The following PTPRG variants were observed in gnomAD, a reference collection of about 807,000 sequenced individuals.
PTPRG encodes receptor-type tyrosine-protein phosphatase gamma.
PTPRG carries 102 observed loss-of-function variants against 165.3 expected under a neutral mutation model. The ratio of observed to expected loss-of-function variants is 0.62; its 90% CI spans 0.53 to 0.73. The LOEUF is 0.73. Ranked by LOEUF, PTPRG falls within the 30% of genes least tolerant of loss-of-function variation. The pLI is 0.00. For synonymous variants in PTPRG, 675 were observed against 669.5 expected (o/e 1.01, Z -0.13); for missense variants, 1,866 against 1,861.4 (o/e 1.00, Z -0.05).
chr3:61,744,784 AT>A (rs1321267261), intron 1 of PTPRG, among the ~76,000 whole-genome samples: 1 of 152,044 alleles, frequency 6.6e-6, no homozygotes, highest in African/African-American at 2.4e-5. Flanking sequence ...TGCCCTGTTC[AT>A]TTCTGAACAA....
chr3:62,167,180 T>C (rs1329568241), intron 7 of PTPRG, among the ~76,000 whole-genome samples: 2 of 152,178 alleles, frequency 1.3e-5, no homozygotes, highest in African/African-American at 4.8e-5. Context: ...CTGACAACTT[T>C]ATAAGGTAAG....
At chr3:61,876,635 G>A (rs575521707) in intron 2 of PTPRG, among the ~76,000 whole-genome samples, 4 of 152,250 alleles carry the variant, frequency 2.6e-5, no homozygotes, top group South Asian at 4.1e-4. Flanking sequence ...CGGGCTGGGC[G>A]TGGTGGCTCA....
At chr3:61,958,396 A>C (rs2040081112) in intron 2 of PTPRG, among the ~76,000 whole-genome samples, 1 of 152,064 alleles carries the variant, frequency 6.6e-6, no homozygotes, top group South Asian at 2.1e-4. Flanking sequence ...CAGCCTCCCA[A>C]AGTGCTGGGA....
chr3:62,171,679 T>C (rs1316908773), intron 8 of PTPRG, among the ~76,000 whole-genome samples: 1 of 152,218 alleles, frequency 6.6e-6, no homozygotes, highest in Non-Finnish European at 1.5e-5. Context: ...AGGTCATTTT[T>C]TTTTTATTGC....
At chr3:62,044,281 G>A (rs532320691) in intron 4 of PTPRG, among the ~76,000 whole-genome samples, 1 of 152,230 alleles carries the variant, frequency 6.6e-6, no homozygotes, top group African/African-American at 2.4e-5. Context: ...GCTCACGCCT[G>A]TAATCCCAGC....
chr3:61,671,731 C>T, intron 1 of PTPRG, among the ~76,000 whole-genome samples: 1 of 147,628 alleles, frequency 6.8e-6, no homozygotes, highest in East Asian at 2.0e-4. Context: ...CAGAGGCGCC[C>T]CTCACCTCCT....
intron 1 of PTPRG, among the ~76,000 whole-genome samples, chr3:61,613,884 G>A (rs1701240087): frequency 6.6e-6 from 1 of 152,194 alleles, no homozygotes; most frequent in South Asian, 2.1e-4. Context: ...GGAATTTAGA[G>A]TAATCTCAGG....
At chr3:62,047,045 A>G (rs1224179880) in intron 4 of PTPRG, among the ~76,000 whole-genome samples, 4 of 152,198 alleles carry the variant, frequency 2.6e-5, no homozygotes, top group South Asian at 2.1e-4. Context: ...GTGCAGAGCA[A>G]TAAGTGGAAC....
At chr3:62,137,896 G>T (rs1040752650) in intron 6 of PTPRG, among the ~76,000 whole-genome samples, 4 of 152,186 alleles carry the variant, frequency 2.6e-5, no homozygotes, top group Non-Finnish European at 4.4e-5. Context: ...CTTTTTTACT[G>T]TTCCAATTTG....
intron 5 of PTPRG, among the ~76,000 whole-genome samples, chr3:62,099,370 A>G (rs1329148934): frequency 6.6e-6 from 1 of 152,234 alleles, no homozygotes; most frequent in African/African-American, 2.4e-5. Flanking sequence ...CTGAAAATTA[A>G]TTCTAAGAAA....
At chr3:62,093,144 A>G (rs774833321) in intron 5 of PTPRG, among the ~76,000 whole-genome samples, 1 of 152,186 alleles carries the variant, frequency 6.6e-6, no homozygotes, top group African/African-American at 2.4e-5. Context: ...CGTGATTCTA[A>G]ATAGTGCACA....
intron 1 of PTPRG, among the ~76,000 whole-genome samples, chr3:61,702,344 T>C (rs1331217076): frequency 6.6e-6 from 1 of 152,182 alleles, no homozygotes; most frequent in African/African-American, 2.4e-5. Context: ...CCTTTTAAAA[T>C]ATTGACCCTA....
rs150051652 is a variant in PTPRG at position 61,815,459 on chromosome 3, G to A, written c.190+66477G>A. 5.2e-3 allele frequency among the ~76,000 whole-genome samples: 788 copies of A among 152,174 alleles called. 7 individuals carry two copies. The highest frequency in any genetic ancestry group is 0.018 in the African/African-American group (732 of 41,518). ...TCTTATTGTTTCATTTTACTGTCTTGATTGGCTTTAACCCTGTTTCCAATG... is the reference window on the plus strand; with the variant it reads ...TCTTATTGTTTCATTTTACTGTCTTAATTGGCTTTAACCCTGTTTCCAATG... On this transcript the variant is annotated intron_variant, in intron 2 of 29. Coordinates refer to ENST00000474889, the MANE Select transcript of PTPRG (RefSeq NM_002841.4).
chr3:61,582,459 G>A (rs1211845603), intron 1 of PTPRG, among the ~76,000 whole-genome samples: 1 of 152,174 alleles, frequency 6.6e-6, no homozygotes, highest in Non-Finnish European at 1.5e-5. Flanking sequence ...TCTCTAGGGG[G>A]GAATGGGGAC....
At chr3:61,955,702 C>T (rs773871826) in intron 2 of PTPRG, among the ~76,000 whole-genome samples, 2 of 152,040 alleles carry the variant, frequency 1.3e-5, no homozygotes, top group Non-Finnish European at 2.9e-5. Context: ...TTGGTGATTA[C>T]CATACTGTGT....
chr3:62,186,398 G>A (rs943627147), intron 8 of PTPRG, among the ~76,000 whole-genome samples: 10 of 151,970 alleles, frequency 6.6e-5, no homozygotes, highest in African/African-American at 2.2e-4. Flanking sequence ...TCCCTGCCTG[G>A]GAGATGCTTG....
At chr3:62,072,343 A>C (rs1701235970) in intron 4 of PTPRG, among the ~76,000 whole-genome samples, 2 of 152,156 alleles carry the variant, frequency 1.3e-5, no homozygotes, top group South Asian at 4.1e-4. Flanking sequence ...GCCCCTGTAA[A>C]ATTCCATTTT....
intron 2 of PTPRG, among the ~76,000 whole-genome samples, chr3:61,759,973 A>G (rs2033779424): frequency 6.6e-6 from 1 of 152,016 alleles, no homozygotes; most frequent in Admixed American, 6.6e-5. Context: ...GGTACCCTTC[A>G]TGTCTGGCAA....
intron 3 of PTPRG, among the ~76,000 whole-genome samples, chr3:61,995,757 C>A (rs1235512376): frequency 7.6e-6 from 1 of 131,432 alleles, no homozygotes; most frequent in Non-Finnish European, 1.6e-5. Flanking sequence ...CCCTCCCTCT[C>A]TCCCTCCCTC....
Sources: allele counts gnomAD v4.1 joint callset (sites outside exome capture counted in the v4.1 genomes callset), GRCh38; gene constraint gnomAD v4.1.1; transcripts MANE v1.5; gene names NCBI Gene and HGNC (gene_info 2026-07-23, HGNC 2026-07-21).